Variants in PTCHD4 observed in about 807,000 individuals in gnomAD.
The protein encoded by PTCHD4 is patched domain containing 4, also known as patched domain-containing protein 4.
In PTCHD4, 33 loss-of-function variants were observed where a neutral mutation model predicts 58.1. The ratio of observed to expected loss-of-function variants is 0.57; its 90% confidence interval spans 0.43 to 0.76. The LOEUF is 0.76. PTCHD4 is among the 30% of genes least tolerant of loss of function. The probability of loss-of-function intolerance (pLI) is 0.00; values close to 1 mark genes in which losing one functional copy is unlikely to be tolerated. For missense variants in PTCHD4, 1,058 were observed against 1,027.1 expected, an observed-to-expected ratio of 1.03 and a Z score of -0.41; for synonymous variants, 478 against 409.6, an observed-to-expected ratio of 1.17 and a Z score of -2.02.
At chr6:47,884,796 G>A (rs368839219) in intron 4 of PTCHD4, among the ~76,000 whole-genome samples, 48 of 152,238 alleles carry the variant, frequency 3.2e-4, no homozygotes, top group African/African-American at 1.2e-3. Flanking sequence ...ATGAAAATGC[G>A]GCTGATTCTT....
intron 1 of PTCHD4, among the ~76,000 whole-genome samples, chr6:48,095,155 T>C (rs1056831625): frequency 6.6e-6 from 1 of 152,238 alleles, no homozygotes; most frequent in African/African-American, 2.4e-5. Context: ...GTGTACTTTA[T>C]ACGTGTCTGT....
At chr6:47,892,473 C>A (rs1211808263) in intron 4 of PTCHD4, among the ~76,000 whole-genome samples, 1 of 152,062 alleles carries the variant, frequency 6.6e-6, no homozygotes, top group Non-Finnish European at 1.5e-5. Context: ...TTCTTTTTGT[C>A]CCATTTGAAA....
intron 4 of PTCHD4, among the ~76,000 whole-genome samples, chr6:47,936,141 AC>A: frequency 6.6e-6 from 1 of 152,292 alleles, no homozygotes; most frequent in Non-Finnish European, 1.5e-5. Context: ...ACTATAGGAA[AC>A]AAGAGGGGAC....
intron 4 of PTCHD4, among the ~76,000 whole-genome samples, chr6:48,000,500 A>C (rs10456573): frequency 0.21 from 31,431 of 151,988 alleles, 3,393 homozygotes; most frequent in South Asian, 0.32. Flanking sequence ...GCGTTTAGAG[A>C]TTTCTAGTTA....
intron 1 of PTCHD4, among the ~76,000 whole-genome samples, chr6:48,086,322 C>T (rs908763296): frequency 7.2e-5 from 11 of 152,106 alleles, no homozygotes; most frequent in African/African-American, 2.7e-4. Context: ...CTTACCTTGA[C>T]AATTTAAAGA....
intron 4 of PTCHD4, among the ~76,000 whole-genome samples, chr6:47,910,415 A>G (rs1445538301): frequency 6.6e-6 from 1 of 152,130 alleles, no homozygotes; most frequent in Non-Finnish European, 1.5e-5. Flanking sequence ...ATTTCTGTTC[A>G]TAAAATTAGA....
At chr6:48,096,859 A>G (rs1028595041) in intron 1 of PTCHD4, among the ~76,000 whole-genome samples, 1 of 152,176 alleles carries the variant, frequency 6.6e-6, no homozygotes, top group Non-Finnish European at 1.5e-5. Context: ...AAGAATTAAT[A>G]CACTAGAATA....
intron 1 of PTCHD4, among the ~76,000 whole-genome samples, chr6:48,090,665 C>A (rs1393904536): frequency 1.3e-5 from 2 of 152,136 alleles, no homozygotes; most frequent in Admixed American, 6.6e-5. Context: ...CTGAAATCAC[C>A]GTGCATGGGG....
At chr6:48,033,398 G>A (rs913195421) in intron 3 of PTCHD4, among the ~76,000 whole-genome samples, 1 of 151,520 alleles carries the variant, frequency 6.6e-6, no homozygotes, top group Non-Finnish European at 1.5e-5. Context: ...ATCCCTAACT[G>A]TTAAGACCAA....
intron 3 of PTCHD4, among the ~76,000 whole-genome samples, chr6:48,028,927 G>A (rs1247802640): frequency 6.6e-6 from 1 of 152,010 alleles, no homozygotes; most frequent in East Asian, 1.9e-4. Context: ...TGTAAAATGA[G>A]ATATTAAAAA....
rs575477715 is a variant in PTCHD4, at chr6:47,875,856, G to A, written c.*2447C>T. On this transcript the variant is annotated 3_prime_UTR_variant, in exon 5 of 5. Coordinates refer to ENST00000339488, the MANE Select transcript of PTCHD4 (RefSeq NM_001384253.1). ...TTCTTTGCATGCAGAATGGTCTATA[G>A]GAACCAAGAAAAAACCAACCCCAAT... Among the ~76,000 whole-genome samples, 84 of 151,754 alleles carry A rather than the reference G, an allele frequency of 5.5e-4. 2 individuals carry two copies. The South Asian group carries it at 0.017, about 30-fold the overall frequency.
At chr6:47,933,701 T>C (rs1765905293) in intron 4 of PTCHD4, among the ~76,000 whole-genome samples, 1 of 152,182 alleles carries the variant, frequency 6.6e-6, no homozygotes, top group Non-Finnish European at 1.5e-5. Flanking sequence ...GTTCTTTCTT[T>C]TGGAAATCAT....
At chr6:48,106,626 A>G (rs1302178106) in intron 1 of PTCHD4, among the ~76,000 whole-genome samples, 2 of 152,186 alleles carry the variant, frequency 1.3e-5, no homozygotes, top group East Asian at 3.9e-4. Context: ...AGAAGGAAAT[A>G]AAGGGCATTC....
chr6:47,939,932 C>T (rs1422867420), intron 4 of PTCHD4, among the ~76,000 whole-genome samples: 1 of 152,024 alleles, frequency 6.6e-6, no homozygotes, highest in African/African-American at 2.4e-5. Flanking sequence ...TCCATACTTT[C>T]CATAATATTA....
chr6:47,972,156 G>C (rs1182226760), intron 4 of PTCHD4, among the ~76,000 whole-genome samples: 1 of 152,166 alleles, frequency 6.6e-6, no homozygotes, highest in Non-Finnish European at 1.5e-5. Flanking sequence ...AGTGGTAAAA[G>C]TGGGCTAAAT....
In PTCHD4 at chr6:47,882,804, A is replaced by G. The variant is rs1200134385; in HGVS notation, c.899-2868T>C. Among the ~76,000 whole-genome samples, 13 of 132,962 alleles carry G rather than the reference A, an allele frequency of 9.8e-5. No homozygotes were observed. The Admixed American group carries it at 1.1e-3, about 12-fold the overall frequency. 87.2% of individuals were successfully genotyped at this position (132,962 alleles called of 152,430 possible). On this transcript the variant is annotated intron_variant, in intron 4 of 4. Transcript: ENST00000339488. ...AACTAGTCACTCATTTTGGCCCACA[A>G]CCATGTGCTGTTTTGCTCTGGAATT...
intron 3 of PTCHD4, among the ~76,000 whole-genome samples, chr6:48,066,859 A>G (rs1764815006): frequency 6.6e-6 from 1 of 151,806 alleles, no homozygotes; most frequent in Non-Finnish European, 1.5e-5. Flanking sequence ...TTCTAAGTGC[A>G]TTAAATCCTC....
Position 47,879,380 on chromosome 6 carries a change from T to A in PTCHD4, c.1455A>T (p.Gly485=). Residue 485 remains glycine, a synonymous_variant, in exon 5 of 5, where the codon GGA becomes GGT. Transcript: ENST00000339488. ...TGGCTAGTAGATTGATGATGTTGGC[T>A]CCGTCACTGATCTGTAAGCACCCCA... ...SFMGCLQISD[G]ANIINLLASD... The A allele has an allele frequency of 6.2e-7, 1 of 1,613,652 alleles. No individual in the cohort carries two copies. Among genetic ancestry groups the A allele is most frequent in the Non-Finnish European group, 8.5e-7 (1 of 1,179,762 alleles).
At chr6:47,949,769 C>A (rs1178689291) in intron 4 of PTCHD4, among the ~76,000 whole-genome samples, 2 of 152,092 alleles carry the variant, frequency 1.3e-5, no homozygotes, top group Non-Finnish European at 2.9e-5. Flanking sequence ...GCCATGTTTT[C>A]CCCAACATTC....
Sources: allele counts gnomAD v4.1 joint callset (sites outside exome capture counted in the v4.1 genomes callset), GRCh38; gene constraint gnomAD v4.1.1; transcripts MANE v1.5; gene names NCBI Gene and HGNC (gene_info 2026-07-23, HGNC 2026-07-21).